The following BTBD9 variants were observed in gnomAD, a reference collection of about 807,000 sequenced individuals.
BTBD9 encodes the protein BTB/POZ domain-containing protein 9.
A neutral mutation model predicts 64.3 loss-of-function variants in BTBD9; 49 were observed. The ratio of observed to expected loss-of-function variants is 0.76; its 90% CI spans 0.61 to 0.97. The LOEUF is 0.97. Among genes scored for constraint, BTBD9 ranks in the 50% least tolerant of loss-of-function variants. The pLI, the probability that BTBD9 is intolerant of heterozygous loss-of-function variation, is 0.00. For synonymous variants in BTBD9, 260 were observed against 274.7 expected (o/e 0.95, Z 0.53); for missense variants, 598 against 762.1 (o/e 0.78, Z 2.53).
chr6:38,564,534 C>T (rs1416721535), intron 6 of BTBD9, among the ~76,000 whole-genome samples: 2 of 152,088 alleles, frequency 1.3e-5, no homozygotes, highest in African/African-American at 4.8e-5. Flanking sequence ...ATGTTTGGTA[C>T]TAGTTAGAGA....
At chr6:38,482,709 T>C (rs1771213622) in intron 6 of BTBD9, among the ~76,000 whole-genome samples, 1 of 152,098 alleles carries the variant, frequency 6.6e-6, no homozygotes, top group Non-Finnish European at 1.5e-5. Context: ...GAGACAGACA[T>C]GTAAACAGAT....
intron 6 of BTBD9, among the ~76,000 whole-genome samples, chr6:38,491,227 C>T (rs527563462): frequency 3.0e-4 from 45 of 152,288 alleles, no homozygotes; most frequent in South Asian, 1.4e-3. Context: ...TCCTCTGTCC[C>T]GTGGAAATAC....
rs879729977 is a variant in BTBD9 at position 38,465,135 on chromosome 6, T to TA, written c.1154+112464dup. Among the ~76,000 whole-genome samples, 125 of 148,788 alleles carry TA rather than the reference T, an allele frequency of 8.4e-4. 2 individuals carry two copies. The highest frequency in any genetic ancestry group is 2.9e-3 in the African/African-American group (116 of 40,584). ...AGTGAGACCTCATCTCTGCTAAAGT[T>TA]AAAAAAAAAATTAGCTGGGTATGGT... On this transcript the variant is annotated intron_variant, in intron 6 of 10. Transcript: ENST00000481247.
chr6:38,594,968 A>ACTAG (rs1776972572), intron 2 of BTBD9, among the ~76,000 whole-genome samples: 1 of 152,218 alleles, frequency 6.6e-6, no homozygotes, highest in Admixed American at 6.5e-5. Context: ...ATACTGAAAC[A>ACTAG]CTAGTAAAAA....
At chr6:38,309,092 A>T (rs959019973) in intron 7 of BTBD9, among the ~76,000 whole-genome samples, 1 of 150,806 alleles carries the variant, frequency 6.6e-6, no homozygotes, top group East Asian at 2.1e-4. Context: ...CAAAAAGGCC[A>T]GGTGCAGTGG....
chr6:38,617,007 G>A (rs770901610), intron 1 of BTBD9, among the ~76,000 whole-genome samples: 4 of 152,212 alleles, frequency 2.6e-5, no homozygotes, highest in East Asian at 1.9e-4. Flanking sequence ...GACCCCTTTC[G>A]CTTGCTATTC....
intron 6 of BTBD9, among the ~76,000 whole-genome samples, chr6:38,492,237 C>T (rs1771735112): frequency 6.6e-6 from 1 of 152,178 alleles, no homozygotes; most frequent in Non-Finnish European, 1.5e-5. Flanking sequence ...TTCAGGACTG[C>T]ACCCTAAGTT....
intron 9 of BTBD9, among the ~76,000 whole-genome samples, chr6:38,208,921 G>A (rs1762743270): frequency 6.6e-6 from 1 of 152,174 alleles, no homozygotes; most frequent in Non-Finnish European, 1.5e-5. Context: ...GGGAATTAGT[G>A]ATTGTTTTGG....
intron 6 of BTBD9, among the ~76,000 whole-genome samples, chr6:38,554,341 T>G (rs1036401038): frequency 3.9e-5 from 6 of 152,164 alleles, no homozygotes; most frequent in African/African-American, 1.4e-4. Context: ...AGTGACTAAT[T>G]CAACCCCTCT....
At chr6:38,371,119 A>G (rs1184130078) in intron 6 of BTBD9, among the ~76,000 whole-genome samples, 1 of 152,174 alleles carries the variant, frequency 6.6e-6, no homozygotes, top group African/African-American at 2.4e-5. Flanking sequence ...CTGAGTGGTC[A>G]GCAAAAAAAC....
intron 6 of BTBD9, chr6:38,402,904 C>T (rs745308697): frequency 1.5e-6 from 1 of 687,050 alleles, no homozygotes; most frequent in South Asian, 1.5e-5. Context: ...TCCATCTCCA[C>T]TAAAATTAGA....
Position 38,297,258 on chromosome 6 carries a change from C to T in BTBD9, c.1265-8797G>A, listed in dbSNP as rs1335893342. ...GCGCGCACCTGTAATCCCAGCTACC[C>T]AAGAGGCTGAGGCAGGATAATCGTT... On this transcript the variant is annotated intron_variant, in intron 7 of 10. Transcript: ENST00000481247. Among the ~76,000 whole-genome samples the T allele has an allele frequency of 2.6e-5, 4 of 152,140 alleles. No individual in the cohort carries two copies. In the East Asian group the frequency reaches 7.7e-4, roughly 29 times the overall value.
At chr6:38,545,478 C>T (rs1774490353) in intron 6 of BTBD9, among the ~76,000 whole-genome samples, 1 of 152,018 alleles carries the variant, frequency 6.6e-6, no homozygotes, top group Non-Finnish European at 1.5e-5. Flanking sequence ...GAATTGCACA[C>T]TTTAAAAGAA....
At chr6:38,337,707 G>C (rs761163384) in intron 7 of BTBD9, among the ~76,000 whole-genome samples, 1 of 152,168 alleles carries the variant, frequency 6.6e-6, no homozygotes. Context: ...TTTCCTGTTG[G>C]AAGGAGCCCC....
At chr6:38,535,619 A>G (rs1773990884) in intron 6 of BTBD9, among the ~76,000 whole-genome samples, 1 of 152,158 alleles carries the variant, frequency 6.6e-6, no homozygotes, top group South Asian at 2.1e-4. Flanking sequence ...TGACAAAGCT[A>G]AAGTAACCAA....
At chr6:38,608,445 T>C (rs1373364733) in intron 1 of BTBD9, among the ~76,000 whole-genome samples, 1 of 152,202 alleles carries the variant, frequency 6.6e-6, no homozygotes, top group African/African-American at 2.4e-5. Flanking sequence ...AGCGGCAACT[T>C]ATGGGTCTGT....
At position 38,465,737 on chromosome 6, in the gene BTBD9, ATATATATATATATATATATG is replaced by A. The variant is rs1195509140; in HGVS notation, c.1154+111843_1154+111862del. Among the ~76,000 whole-genome samples, 465 of 53,270 alleles carry A rather than the reference ATATATATATATATATATATG, an allele frequency of 8.7e-3. 9 individuals are homozygous for A. The highest frequency in any genetic ancestry group is 0.012 in the Non-Finnish European group (329 of 27,812). The allele number at this position is 53,270 out of a possible 152,430, so 34.9% of individuals were successfully genotyped here. ...TATATATATATATATATATATATAT[ATATATATATATATATATATG>A]TATGTATGTATGTATTTCAGTTATT... On this transcript the variant is annotated intron_variant, in intron 6 of 10. Coordinates refer to ENST00000481247, the MANE Select transcript of BTBD9 (RefSeq NM_001099272.2).
chr6:38,525,909 A>T (rs1416619111), intron 6 of BTBD9, among the ~76,000 whole-genome samples: 1 of 152,242 alleles, frequency 6.6e-6, no homozygotes, highest in African/African-American at 2.4e-5. Flanking sequence ...AGGGAATAAG[A>T]GTGTAAAAGT....
At chr6:38,221,654 A>G (rs761335024) in intron 9 of BTBD9, among the ~76,000 whole-genome samples, 33 of 152,202 alleles carry the variant, frequency 2.2e-4, no homozygotes, top group Non-Finnish European at 4.0e-4. Context: ...CCCAATAACA[A>G]TATTACAGAC....
Sources: gnomAD v4.1 joint callset for allele counts (sites outside exome capture counted in the v4.1 genomes callset) on GRCh38, gnomAD v4.1.1 for gene constraint, MANE v1.5 for transcripts, NCBI Gene and HGNC (gene_info 2026-07-23, HGNC 2026-07-21) for gene names.